Variants in MYH10 observed in about 807,000 individuals in gnomAD.
The protein encoded by MYH10 is myosin heavy chain 10.
Under a neutral mutation model 257.8 loss-of-function variants are expected in MYH10, and 55 were observed. The observed-to-expected ratio is 0.21, with a 90% confidence interval of 0.17 to 0.27. The LOEUF (loss-of-function observed/expected upper bound fraction) is 0.27, where lower values mean the gene tolerates loss of function less well. Among genes scored for constraint, MYH10 ranks in the 10% least tolerant of loss-of-function variants. The probability of loss-of-function intolerance (pLI) is 1.00; values close to 1 mark genes in which losing one functional copy is unlikely to be tolerated. For missense variants in MYH10, 1,631 were observed against 2,500.6 expected (o/e 0.65, Z 7.42); for synonymous variants, 854 against 921.7 (o/e 0.93, Z 1.33).
chr17:8,608,924 C>A (rs1481946193), intron 2 of MYH10, among the ~76,000 whole-genome samples: 1 of 152,128 alleles, frequency 6.6e-6, no homozygotes, highest in Non-Finnish European at 1.5e-5. Flanking sequence ...CATTCTCCTG[C>A]ATCAGCCTTC....
intron 29 of MYH10, 130 bp downstream of exon 29, chr17:8,500,696 A>G: frequency 9.0e-7 from 1 of 1,114,162 alleles, no homozygotes; most frequent in South Asian, 1.7e-5. Context: ...GGTACCCAGC[A>G]GCCCACTCAG....
chr17:8,522,408 C>T (rs1427279860), intron 17 of MYH10, among the ~76,000 whole-genome samples: 1 of 152,142 alleles, frequency 6.6e-6, no homozygotes. Flanking sequence ...GGGAGAAGGG[C>T]GGGTAAAAGC....
chr17:8,606,337 T>G (rs554091229), intron 2 of MYH10, among the ~76,000 whole-genome samples: 2 of 152,294 alleles, frequency 1.3e-5, no homozygotes, highest in Admixed American at 1.3e-4. Flanking sequence ...TGACAGATGC[T>G]CTAACCCTCT....
chr17:8,499,133 G>A (rs1314414417), intron 30 of MYH10, 137 bp downstream of exon 30: 5 of 722,486 alleles, frequency 6.9e-6, no homozygotes, highest in Non-Finnish European at 9.3e-6. Flanking sequence ...CCTAAGACTC[G>A]ATGTATTTAC....
Position 8,546,587 on chromosome 17 carries a change from T to C in MYH10, c.1235A>G (p.Lys412Arg). 1.9e-6 allele frequency: 3 copies of C among 1,614,128 alleles called. No homozygotes were observed. The highest frequency in any genetic ancestry group is 2.5e-6 in the Non-Finnish European group (3 of 1,180,002). ...FTRAILTPRIKVGRDYVQKAQ... is the reference protein window; with the variant it reads ...FTRAILTPRIRVGRDYVQKAQ... ...TTTTTGCACATAGTCTCGGCCGACC[T>C]TGATCCGGGGAGTCAGGATGGCCCG... The change falls in exon 12 of 43, where the codon AAG (lysine) becomes AGG (arginine). Residue 412 changes from lysine to arginine, a missense_variant. Around this residue, in one of 11 missense-constraint regions of MYH10, gnomAD observed 360 missense variants for 581.9 expected, o/e 0.62. Coordinates refer to ENST00000360416, the MANE Select transcript of MYH10 (RefSeq NM_001256012.3).
intron 37 of MYH10, 162 bp from the exon 38 acceptor site, chr17:8,481,572 C>T (rs759885310): frequency 4.0e-5 from 24 of 601,056 alleles, no homozygotes; most frequent in African/African-American, 1.1e-4. Flanking sequence ...AAAATCTGCT[C>T]GGTGCAGGCC....
chr17:8,573,309 G>C (rs569140113), intron 6 of MYH10, among the ~76,000 whole-genome samples: 2 of 152,336 alleles, frequency 1.3e-5, no homozygotes, highest in East Asian at 3.9e-4. Context: ...GCAGGGCAGA[G>C]CTGCAGGAAG....
At chr17:8,608,816 T>A (rs2084910452) in intron 2 of MYH10, among the ~76,000 whole-genome samples, 1 of 151,116 alleles carries the variant, frequency 6.6e-6, no homozygotes, top group South Asian at 2.1e-4. Context: ...GGAAATTTTT[T>A]TTTTTTTTTT....
intron 38 of MYH10, 49 bp downstream of exon 38, chr17:8,481,273 T>G: frequency 5.1e-6 from 8 of 1,569,644 alleles, no homozygotes; most frequent in Non-Finnish European, 6.1e-6. Flanking sequence ...TTCTCAGCAG[T>G]GCGCGTGCCT....
chr17:8,618,649 C>T (rs2085353826), intron 2 of MYH10, among the ~76,000 whole-genome samples: 1 of 152,166 alleles, frequency 6.6e-6, no homozygotes, highest in African/African-American at 2.4e-5. Flanking sequence ...GCGTATTGAA[C>T]AAGTCTTTTT....
chr17:8,583,458 C>T (rs933276294), intron 4 of MYH10, among the ~76,000 whole-genome samples: 5 of 151,472 alleles, frequency 3.3e-5, no homozygotes, highest in East Asian at 1.9e-4. Flanking sequence ...TTAACATGAG[C>T]GTGGGGAGAA....
At chr17:8,520,035 GA>G (rs2081601700) in intron 19 of MYH10, among the ~76,000 whole-genome samples, 2 of 151,858 alleles carry the variant, frequency 1.3e-5, no homozygotes, top group African/African-American at 4.8e-5. Flanking sequence ...ACATACATTG[GA>G]AAAAATACAT....
chr17:8,500,074 A>G (rs1382397147), intron 29 of MYH10, among the ~76,000 whole-genome samples: 2 of 152,332 alleles, frequency 1.3e-5, no homozygotes, highest in East Asian at 3.9e-4. Flanking sequence ...GTTGTAGCAA[A>G]GATTAAGGAA....
chr17:8,585,658 A>T (rs542003624), intron 4 of MYH10, among the ~76,000 whole-genome samples: 1 of 152,176 alleles, frequency 6.6e-6, no homozygotes, highest in African/African-American at 2.4e-5. Flanking sequence ...TATCTAAAAA[A>T]TTTTAAACTA....
At chr17:8,484,879 T>G (rs767372956) in intron 36 of MYH10, among the ~76,000 whole-genome samples, 2 of 152,230 alleles carry the variant, frequency 1.3e-5, no homozygotes, top group Non-Finnish European at 2.9e-5. Flanking sequence ...ATGCTTTCCC[T>G]CTAAAAGATG....
At chr17:8,628,595 G>A (rs781180549) in intron 1 of MYH10, among the ~76,000 whole-genome samples, 4 of 152,244 alleles carry the variant, frequency 2.6e-5, no homozygotes, top group Admixed American at 6.5e-5. Context: ...GACAGGGCTG[G>A]ACGAGTCTGC....
At chr17:8,623,437 T>C (rs1000702812) in intron 1 of MYH10, 160 bp from the exon 2 acceptor site, 4 of 569,998 alleles carry the variant, frequency 7.0e-6, no homozygotes, top group African/African-American at 5.9e-5. Flanking sequence ...GTTTCCAAGG[T>C]AAATTTCAGC....
Position 8,520,913 on chromosome 17 carries a change from G to A in MYH10, c.2238C>T (p.Phe746=). ...LEGIRICRQG[F]PNRIVFQEFR... ...ATTCCTGGAAAACTATTCGGTTAGGGAAGCCCTGGCGACAGATTCGGATCC... is the reference window on the plus strand; with the variant it reads ...ATTCCTGGAAAACTATTCGGTTAGGAAAGCCCTGGCGACAGATTCGGATCC... Residue 746 remains phenylalanine (F), a synonymous_variant, in exon 19 of 43, where the codon TTC becomes TTT. Coordinates refer to ENST00000360416, the MANE Select transcript of MYH10 (RefSeq NM_001256012.3). 6.2e-7 allele frequency: 1 copy of A among 1,613,672 alleles called. No homozygotes were observed.
Position 8,509,863 on chromosome 17 carries a change from C to T in MYH10, c.3039G>A (p.Lys1013=), listed in dbSNP as rs567899390. 1.1e-5 allele frequency: 17 copies of T among 1,612,790 alleles called. No homozygotes were observed. The highest frequency in any genetic ancestry group is 9.9e-5 in the South Asian group (9 of 90,954). ...CGAGAAGCAGAATCTCCTCTTCCAT[C>T]TTCTTGATCTTGGCCTCTGCTGTCA... ...EKVTAEAKIK[K]MEEEILLLED... The change falls in exon 25 of 43, where the codon AAG becomes AAA. Residue 1013 remains lysine, a synonymous_variant. Coordinates refer to ENST00000360416, the MANE Select transcript of MYH10 (RefSeq NM_001256012.3).
Sources: gnomAD v4.1 joint callset for allele counts (sites outside exome capture counted in the v4.1 genomes callset) on GRCh38, gnomAD v4.1.1 for gene constraint, gnomAD v4.1.1 regional missense constraint, MANE v1.5 for transcripts, NCBI Gene and HGNC (gene_info 2026-07-23, HGNC 2026-07-21) for gene names.